The following SCARA5 variants were observed in gnomAD, a reference collection of about 807,000 sequenced individuals.
The protein encoded by SCARA5 is scavenger receptor class A member 5.
SCARA5 carries 45 observed loss-of-function variants against 46.3 expected under a neutral mutation model. That is an observed-to-expected ratio of 0.97 (90% CI 0.76 to 1.24). SCARA5 has a LOEUF of 1.24. Among genes scored for constraint, SCARA5 ranks in the 50% most tolerant of loss-of-function variants. SCARA5 has a pLI of 0.00. For missense variants in SCARA5, 680 were observed against 689.0 expected, an observed-to-expected ratio of 0.99 and a Z score of 0.15; for synonymous variants, 333 against 306.5, an observed-to-expected ratio of 1.09 and a Z score of -0.90.
intron 7 of SCARA5, among the ~76,000 whole-genome samples, chr8:27,892,605 C>CTTTTTTTTTTTTT (rs1224026831): frequency 8.3e-6 from 1 of 119,788 alleles, no homozygotes. Flanking sequence ...CATACCTCAC[C>CTTTTTTTTTTTTT]CTTTTTTTTT....
chr8:27,955,945 G>C (rs1377521792), intron 3 of SCARA5, among the ~76,000 whole-genome samples: 1 of 152,144 alleles, frequency 6.6e-6, no homozygotes, highest in Admixed American at 6.5e-5. Flanking sequence ...GGTAGATCAT[G>C]GTGTCATTTA....
At chr8:27,938,010 A>T (rs1807884487) in intron 3 of SCARA5, among the ~76,000 whole-genome samples, 1 of 152,250 alleles carries the variant, frequency 6.6e-6, no homozygotes, top group East Asian at 1.9e-4. Context: ...GTCCATAACT[A>T]GCGGTTAGGG....
At chr8:27,925,091 C>T (rs1290907426) in intron 3 of SCARA5, among the ~76,000 whole-genome samples, 2 of 152,146 alleles carry the variant, frequency 1.3e-5, no homozygotes, top group Non-Finnish European at 2.9e-5. Context: ...CAATGCCATC[C>T]CCATCAAGCT....
chr8:27,933,009 C>T (rs1490246804), intron 3 of SCARA5, among the ~76,000 whole-genome samples: 1 of 152,168 alleles, frequency 6.6e-6, no homozygotes, highest in African/African-American at 2.4e-5. Context: ...CCTTAGAAAC[C>T]TCCTTAAAGG....
Position 27,871,546 on chromosome 8 carries a change from T to A in SCARA5, c.*388A>T. 9.4e-7 allele frequency: 1 copy of A among 1,068,632 alleles called. No homozygotes were observed. The highest frequency in any genetic ancestry group is 6.9e-5 in the East Asian group (1 of 14,392). 66.2% of individuals were successfully genotyped at this position (1,068,632 alleles called of 1,614,324 possible). On this transcript the variant is annotated 3_prime_UTR_variant, in exon 9 of 9. Coordinates refer to ENST00000354914, the MANE Select transcript of SCARA5 (RefSeq NM_173833.6). ...TGTCTGAAGAGTAAATGATCTATAC[T>A]ACCAACCATCGCTGCTGCTGCACTT...
intron 2 of SCARA5, among the ~76,000 whole-genome samples, chr8:27,980,064 T>C (rs1355351831): frequency 6.6e-6 from 1 of 152,014 alleles, no homozygotes; most frequent in East Asian, 1.9e-4. Context: ...TGGTCTGCAG[T>C]AGGAGGGAGG....
intron 3 of SCARA5, among the ~76,000 whole-genome samples, chr8:27,950,902 G>A (rs1172370601): frequency 6.9e-6 from 1 of 145,956 alleles, no homozygotes; most frequent in African/African-American, 2.5e-5. Context: ...AGGTCAGTGT[G>A]GACTAAGCCA....
Position 27,921,759 on chromosome 8 carries a change from G to A in SCARA5, c.728C>T (p.Thr243Met), listed in dbSNP as rs765093547. The stretch of plus-strand genomic sequence containing the variant: ...CAGCACCCGCAGGTCCTGCAGCCGC[G>A]TGCGGTGGAGGGCCACGTCGTAGGA... ...SLSYDVALHR[T>M]RLQDLRVLVS... is the part of the protein sequence containing the mutation. Residue 243 changes from threonine (T) to methionine (M), a missense_variant, in exon 4 of 9, where the codon ACG (threonine) becomes ATG (methionine). Transcript: ENST00000354914. 4.0e-5 allele frequency: 63 copies of A among 1,580,498 alleles called. 1 individual carries two copies. The South Asian group carries it at 6.4e-4, about 16-fold the overall frequency.
rs931929645 is a variant in SCARA5 at position 27,921,990 on chromosome 8, G to A, written c.497C>T (p.Ala166Val). Residue 166 changes from alanine (A) to valine (V), a missense_variant, in exon 4 of 9, where the codon GCG (alanine) becomes GTG (valine). Physicochemically the swap from Ala to Val is moderately conservative, Grantham distance 64. Around this residue, in one of 3 missense-constraint regions of SCARA5, gnomAD observed 438 missense variants for 384.5 expected, o/e 1.14. Coordinates refer to ENST00000354914, the MANE Select transcript of SCARA5 (RefSeq NM_173833.6). The stretch of plus-strand genomic sequence containing the variant: ...CGTGCGGTCCCGCAGCAGGGCCACC[G>A]CCTGCTCGGTCTGCACCGCCTGCGC... ...LQAQAVQTEQAVALLRDRTGQ... is the reference protein window; with the variant it reads ...LQAQAVQTEQVVALLRDRTGQ... 9 of 1,552,870 alleles carry A rather than the reference G, an allele frequency of 5.8e-6. No individual in the cohort carries two copies. Among genetic ancestry groups the A allele is most frequent in the African/African-American group, 5.5e-5 (4 of 72,182 alleles).
intron 7 of SCARA5, among the ~76,000 whole-genome samples, chr8:27,895,502 G>A (rs976351120): frequency 4.6e-5 from 7 of 152,318 alleles, no homozygotes; most frequent in Admixed American, 1.3e-4. Context: ...CTCTTAATAC[G>A]TTCCTTTACA....
At chr8:27,909,610 T>G in intron 5 of SCARA5, 53 bp downstream of exon 5, 2 of 1,247,648 alleles carry the variant, frequency 1.6e-6, no homozygotes, top group Admixed American at 2.0e-5. Context: ...AAGTAGCGGG[T>G]AGAGATGGAT....
In SCARA5 at chr8:27,929,780, T is replaced by A. The variant is rs117673079; in HGVS notation, c.242-7535A>T. Among the ~76,000 whole-genome samples the A allele has an allele frequency of 6.8e-4, 104 of 152,304 alleles. 3 individuals are homozygous for A. In the East Asian group the frequency reaches 0.019, roughly 28 times the overall value. On this transcript the variant is annotated intron_variant, in intron 3 of 8. Transcript: ENST00000354914. ...TCACCTACTGTATGCCAAACTTGGC[T>A]ATAGTCTCTTATTAGAAGTTGCTTC...
chr8:27,941,105 A>G (rs1381507948), intron 3 of SCARA5, among the ~76,000 whole-genome samples: 1 of 152,194 alleles, frequency 6.6e-6, no homozygotes, highest in Admixed American at 6.5e-5. Context: ...TAGTTAAAAA[A>G]AAAACCCACA....
intron 3 of SCARA5, among the ~76,000 whole-genome samples, chr8:27,936,547 C>G (rs374963733): frequency 1.5e-5 from 2 of 135,170 alleles, no homozygotes; most frequent in South Asian, 5.0e-4. Context: ...CGAGATCACA[C>G]CACTGCACTC....
At chr8:27,959,422 T>C (rs554978566) in intron 3 of SCARA5, among the ~76,000 whole-genome samples, 14 of 152,236 alleles carry the variant, frequency 9.2e-5, no homozygotes, top group African/African-American at 3.4e-4. Flanking sequence ...GATCCTTCCA[T>C]TAATTACCTG....
At chr8:27,939,870 G>A (rs530293769) in intron 3 of SCARA5, among the ~76,000 whole-genome samples, 4 of 152,252 alleles carry the variant, frequency 2.6e-5, no homozygotes, top group Non-Finnish European at 4.4e-5. Flanking sequence ...ATCCAGAATT[G>A]GAGCCCCAGA....
chr8:27,965,378 G>T (rs779058739), intron 3 of SCARA5, among the ~76,000 whole-genome samples: 1 of 152,204 alleles, frequency 6.6e-6, no homozygotes, highest in Non-Finnish European at 1.5e-5. Flanking sequence ...AAGTCAGCTC[G>T]GCCTGGCCAG....
At chr8:27,983,141 C>T (rs1808649761) in intron 2 of SCARA5, among the ~76,000 whole-genome samples, 2 of 152,184 alleles carry the variant, frequency 1.3e-5, no homozygotes, top group African/African-American at 4.8e-5. Flanking sequence ...CCTGCCCAAG[C>T]CCATAAAAGA....
intron 1 of SCARA5, among the ~76,000 whole-genome samples, chr8:27,988,102 C>T (rs1808732002): frequency 1.3e-5 from 2 of 152,310 alleles, no homozygotes; most frequent in African/African-American, 4.8e-5. Flanking sequence ...TATGAAGGGG[C>T]ATTCAGAGGG....
Sources: gnomAD v4.1 joint callset for allele counts (sites outside exome capture counted in the v4.1 genomes callset) on GRCh38, gnomAD v4.1.1 for gene constraint, gnomAD v4.1.1 regional missense constraint, MANE v1.5 for transcripts, NCBI Gene and HGNC (gene_info 2026-07-23, HGNC 2026-07-21) for gene names.